The following ZNF407 variants were observed in gnomAD, a reference collection of about 807,000 sequenced individuals.
ZNF407 encodes the protein zinc finger protein 407.
A neutral mutation model predicts 131.2 loss-of-function variants in ZNF407; 17 were observed. That is an observed-to-expected ratio of 0.13 (90% CI 0.09 to 0.19). The LOEUF is 0.19. ZNF407 is among the 10% of genes least tolerant of loss of function. The probability of loss-of-function intolerance (pLI) is 1.00; values close to 1 mark genes in which losing one functional copy is unlikely to be tolerated. For synonymous variants in ZNF407, 1,156 were observed against 1,062.0 expected, an observed-to-expected ratio of 1.09 and a Z score of -1.72; for missense variants, 2,681 against 2,830.6, an observed-to-expected ratio of 0.95 and a Z score of 1.20.
At chr18:74,966,538 C>G (rs1471280299) in intron 8 of ZNF407, among the ~76,000 whole-genome samples, 2 of 152,080 alleles carry the variant, frequency 1.3e-5, no homozygotes, top group Non-Finnish European at 2.9e-5. Context: ...TGTTTTTATG[C>G]CAATACCATG....
At chr18:74,889,732 A>G (rs911317039) in intron 6 of ZNF407, among the ~76,000 whole-genome samples, 186 bp from the exon 7 acceptor site, 3 of 152,232 alleles carry the variant, frequency 2.0e-5, no homozygotes, top group Non-Finnish European at 2.9e-5. Context: ...ACAAAAATCA[A>G]TGATATCTTC....
intron 8 of ZNF407, among the ~76,000 whole-genome samples, chr18:74,923,719 A>T (rs770106046): frequency 1.3e-5 from 2 of 152,198 alleles, no homozygotes; most frequent in Non-Finnish European, 2.9e-5. Flanking sequence ...GTTGTTTTAG[A>T]TACAGACATA....
intron 8 of ZNF407, among the ~76,000 whole-genome samples, chr18:74,963,331 T>G (rs1972370457): frequency 6.6e-6 from 1 of 152,184 alleles, no homozygotes; most frequent in Non-Finnish European, 1.5e-5. Flanking sequence ...ATTAATAACT[T>G]TGGAAGTGAT....
chr18:74,813,877 T>C (rs1227976407), intron 4 of ZNF407, among the ~76,000 whole-genome samples: 1 of 152,160 alleles, frequency 6.6e-6, no homozygotes, highest in African/African-American at 2.4e-5. Flanking sequence ...AATTCCTAAT[T>C]TTGTAGGGAA....
chr18:74,612,869 A>G (rs1029763371), intron 1 of ZNF407, among the ~76,000 whole-genome samples: 1 of 152,186 alleles, frequency 6.6e-6, no homozygotes, highest in Non-Finnish European at 1.5e-5. Context: ...CTTAGGCAAA[A>G]ATAGTATGTC....
At chr18:74,729,603 T>C (rs1420997737) in intron 3 of ZNF407, among the ~76,000 whole-genome samples, 1 of 152,156 alleles carries the variant, frequency 6.6e-6, no homozygotes, top group East Asian at 1.9e-4. Context: ...AAATATGCTG[T>C]GTTCTGTAGG....
chr18:75,053,241 C>T (rs1318178280), intron 8 of ZNF407, among the ~76,000 whole-genome samples: 2 of 152,210 alleles, frequency 1.3e-5, no homozygotes, highest in Non-Finnish European at 2.9e-5. Flanking sequence ...ACCCAGGTCC[C>T]GCCTCACCCC....
intron 7 of ZNF407, among the ~76,000 whole-genome samples, chr18:74,901,549 G>T (rs1333391051): frequency 6.6e-6 from 1 of 152,194 alleles, no homozygotes; most frequent in Non-Finnish European, 1.5e-5. Context: ...CTAAGAAAAA[G>T]AGAACCAGAA....
intron 8 of ZNF407, among the ~76,000 whole-genome samples, chr18:74,939,166 T>A (rs1306553182): frequency 6.6e-6 from 1 of 152,210 alleles, no homozygotes; most frequent in Non-Finnish European, 1.5e-5. Flanking sequence ...TATTCCTTTA[T>A]CTAAACATGC....
chr18:74,705,510 G>T (rs1315729313), intron 3 of ZNF407, among the ~76,000 whole-genome samples: 1 of 152,168 alleles, frequency 6.6e-6, no homozygotes, highest in South Asian at 2.1e-4. Flanking sequence ...AAAACGTCTT[G>T]TACCTCTATT....
intron 5 of ZNF407, among the ~76,000 whole-genome samples, chr18:74,878,092 A>C (rs1301312595): frequency 6.6e-6 from 1 of 152,100 alleles, no homozygotes; most frequent in Non-Finnish European, 1.5e-5. Flanking sequence ...GGCCCTTGTA[A>C]ATGTAAATCC....
intron 3 of ZNF407, among the ~76,000 whole-genome samples, chr18:74,764,291 CT>C (rs1227541250): frequency 6.6e-6 from 1 of 152,080 alleles, no homozygotes; most frequent in Non-Finnish European, 1.5e-5. Context: ...TCTGTTTGTG[CT>C]TTTTTTGTGT....
Position 74,631,364 on chromosome 18 carries a change from C to A in ZNF407, c.345C>A (p.Thr115=). Residue 115 remains threonine, a synonymous_variant, in exon 2 of 9, where the codon ACC becomes ACA. Transcript: ENST00000299687. ...GIALDETGKE[T]FLSDCTVGGT... ...CATTAGATGAAACAGGGAAGGAGAC[C>A]TTTCTGAGTGACTGCACAGTTGGAG... 6.2e-7 allele frequency: 1 copy of A among 1,613,960 alleles called. No homozygotes were observed. The highest frequency in any genetic ancestry group is 8.5e-7 in the Non-Finnish European group (1 of 1,179,882).
intron 3 of ZNF407, among the ~76,000 whole-genome samples, chr18:74,758,545 C>A (rs866514923): frequency 6.6e-6 from 1 of 152,034 alleles, no homozygotes. Context: ...TAACTAGATG[C>A]CTTTTAATTG....
At chr18:74,825,655 G>A (rs899644673) in intron 4 of ZNF407, among the ~76,000 whole-genome samples, 1 of 152,272 alleles carries the variant, frequency 6.6e-6, no homozygotes, top group East Asian at 1.9e-4. Context: ...TTGTGGCTCT[G>A]TGTGTCTGCA....
chr18:75,004,478 T>C (rs1273092577), intron 8 of ZNF407, among the ~76,000 whole-genome samples: 6 of 152,180 alleles, frequency 3.9e-5, no homozygotes, highest in Non-Finnish European at 5.9e-5. Context: ...GAAAGGGCCA[T>C]GCTGTTGCCT....
At chr18:74,860,726 A>AAT (rs1970926402) in intron 4 of ZNF407, among the ~76,000 whole-genome samples, 1 of 152,088 alleles carries the variant, frequency 6.6e-6, no homozygotes, top group Non-Finnish European at 1.5e-5. Context: ...TAGGTTAATT[A>AAT]ATACCAGATG....
chr18:75,002,809 A>T (rs1489819571), intron 8 of ZNF407, among the ~76,000 whole-genome samples: 1 of 151,596 alleles, frequency 6.6e-6, no homozygotes, highest in African/African-American at 2.4e-5. Context: ...CGGCTCAAAA[A>T]AAAAAAAAAA....
intron 3 of ZNF407, among the ~76,000 whole-genome samples, chr18:74,704,996 C>G (rs533354098): frequency 6.6e-6 from 1 of 152,036 alleles, no homozygotes; most frequent in East Asian, 1.9e-4. Flanking sequence ...GAAGAGTGAC[C>G]CTTCCCTAGT....
Sources: allele counts gnomAD v4.1 joint callset (sites outside exome capture counted in the v4.1 genomes callset), GRCh38; gene constraint gnomAD v4.1.1; transcripts MANE v1.5; gene names NCBI Gene and HGNC (gene_info 2026-07-23, HGNC 2026-07-21).